Variants in MED12L observed in about 807,000 individuals in gnomAD.
MED12L encodes the protein mediator complex subunit 12L.
A neutral mutation model predicts 281.3 loss-of-function variants in MED12L; 60 were observed. The observed-to-expected ratio is 0.21, with a 90% CI of 0.17 to 0.26. The LOEUF is 0.26. Among genes scored for constraint, MED12L ranks in the 10% least tolerant of loss-of-function variants. The pLI is 1.00. For missense variants in MED12L, 2,146 were observed against 2,680.9 expected, an observed-to-expected ratio of 0.80 and a Z score of 4.41; for synonymous variants, 974 against 987.2, an observed-to-expected ratio of 0.99 and a Z score of 0.25.
chr3:151,418,501 A>G (rs1717879893), intron 43 of MED12L, among the ~76,000 whole-genome samples: 1 of 152,152 alleles, frequency 6.6e-6, no homozygotes, highest in Admixed American at 6.5e-5. Context: ...GGTCTATGGA[A>G]TGTTTATTTT....
chr3:151,331,417 T>C (rs972745534), intron 16 of MED12L, among the ~76,000 whole-genome samples: 16 of 152,208 alleles, frequency 1.1e-4, no homozygotes, highest in Non-Finnish European at 2.1e-4. Flanking sequence ...ATGCCCACTA[T>C]GAAATGGTTG....
intron 16 of MED12L, among the ~76,000 whole-genome samples, chr3:151,263,979 A>G (rs1739387519): frequency 6.6e-6 from 1 of 152,100 alleles, no homozygotes; most frequent in African/African-American, 2.4e-5. Context: ...ATCTCTTACC[A>G]CCACTCCTTC....
rs374613376 is a variant in MED12L at position 151,368,216 on chromosome 3, G to A, written c.3515G>A (p.Arg1172Gln). ...MTCRLLLHLF[R>Q]APQACFLPQA... ...TGCCGACTCTTGCTTCATCTCTTCC[G>A]AGCTCCCCAGGCCTGCTTCTTACCT... Residue 1172 changes from arginine (R) to glutamine (Q), a missense_variant, in exon 25 of 45, where the codon CGA becomes CAA. Arg to Gln is a conservative substitution (Grantham distance 43). Around this residue, in one of 9 missense-constraint regions of MED12L, gnomAD observed 404 missense variants for 603.5 expected, o/e 0.67. Transcript: ENST00000687756. 1.5e-5 allele frequency: 24 copies of A among 1,613,894 alleles called. No individual in the cohort carries two copies. The highest frequency in any genetic ancestry group is 6.7e-5 in the African/African-American group (5 of 74,888).
At chr3:151,149,056 G>GAGAC (rs146556521) in intron 5 of MED12L, among the ~76,000 whole-genome samples, 3,269 of 152,292 alleles carry the variant, frequency 0.021, 120 homozygotes, top group East Asian at 0.18. Context: ...CAAGAAATGA[G>GAGAC]AGAATCATTG....
chr3:151,289,558 T>C (rs749134869), intron 16 of MED12L, among the ~76,000 whole-genome samples: 2 of 152,248 alleles, frequency 1.3e-5, no homozygotes, highest in Non-Finnish European at 2.9e-5. Context: ...AGTAACCATC[T>C]TAAGCATTGT....
At position 151,365,134 on chromosome 3, in the gene MED12L, A is replaced by G. The variant is rs577885059; in HGVS notation, c.3113A>G (p.Asn1038Ser). 11 of 1,614,070 alleles carry G rather than the reference A, an allele frequency of 6.8e-6. No homozygotes were observed. The highest frequency in any genetic ancestry group is 5.5e-5 in the South Asian group (5 of 91,084). The change falls in exon 22 of 45, where the codon AAT becomes AGT. Residue 1038 changes from asparagine (N) to serine (S), a missense_variant. Coordinates refer to ENST00000687756, the MANE Select transcript of MED12L (RefSeq NM_001393769.1). The stretch of plus-strand genomic sequence containing the variant: ...ATGCTGGGCAAGATCCTCAGTGACA[A>G]TGCGGCCAATCGCTACAGCTTTGTC... ...YSMLGKILSD[N>S]AANRYSFVCN...
chr3:151,295,257 G>T, intron 16 of MED12L: 1 of 1,329,462 alleles, frequency 7.5e-7, no homozygotes, highest in Non-Finnish European at 1.1e-6. Flanking sequence ...TGGCAAGCAT[G>T]CCCACAGGCT....
At chr3:151,388,193 G>A in intron 37 of MED12L, 21 bp downstream of exon 37, 1 of 1,568,934 alleles carries the variant, frequency 6.4e-7, no homozygotes, top group Non-Finnish European at 8.6e-7. Flanking sequence ...AAAGGAAGGA[G>A]AACCTTGGCT....
rs1000963220 is a variant in MED12L, at chr3:151,115,812, C to T, written c.100-526C>T. On this transcript the variant is annotated intron_variant, in intron 2 of 44. Transcript: ENST00000687756. ...GTGGCTTACACCTGTAATCCCAGTA[C>T]TTTGGGAGGCTGAGGCCAGAGGATC... Among the ~76,000 whole-genome samples, 88 of 151,658 alleles carry T rather than the reference C, an allele frequency of 5.8e-4. 1 individual carries two copies. Among genetic ancestry groups the T allele is most frequent in the Non-Finnish European group, 1.3e-4 (9 of 67,886 alleles).
chr3:151,232,231 T>A lies in MED12L; in HGVS notation c.2250+38565T>A, dbSNP rs1369708570. 4.6e-5 allele frequency among the ~76,000 whole-genome samples: 7 copies of A among 152,232 alleles called. 1 individual carries two copies. The highest frequency in any genetic ancestry group is 4.6e-4 in the Admixed American group (7 of 15,290). On this transcript the variant is annotated intron_variant, in intron 16 of 44. Transcript: ENST00000687756. ...TCCTCTATGCCAAAGTAGTCTTTACTTAAAACATTGTTTGTAGCTCTTTGA... is the reference window on the plus strand; with the variant it reads ...TCCTCTATGCCAAAGTAGTCTTTACATAAAACATTGTTTGTAGCTCTTTGA...
intron 16 of MED12L, chr3:151,212,504 T>C (rs968232633): frequency 6.6e-6 from 1 of 152,208 alleles, no homozygotes; most frequent in African/African-American, 2.4e-5. Flanking sequence ...CATCTTATTT[T>C]TCCCATACTA....
chr3:151,254,573 T>C (rs1356809921), intron 16 of MED12L, among the ~76,000 whole-genome samples: 2 of 152,254 alleles, frequency 1.3e-5, no homozygotes, highest in East Asian at 3.8e-4. Context: ...AAACCTTATT[T>C]AATCTAGTTC....
At chr3:151,349,942 C>CG (rs1305261234) in intron 16 of MED12L, 117 bp from the exon 17 acceptor site, 5 of 780,408 alleles carry the variant, frequency 6.4e-6, no homozygotes, top group Admixed American at 2.7e-5. Flanking sequence ...GAAGGGAGGG[C>CG]GGGATGCCAC....
chr3:151,334,863 C>T (rs1354913739), intron 16 of MED12L, among the ~76,000 whole-genome samples: 1 of 152,106 alleles, frequency 6.6e-6, no homozygotes, highest in Non-Finnish European at 1.5e-5. Flanking sequence ...GCCATGCAGT[C>T]TACATCACAG....
chr3:151,363,772 T>C (rs1239783343), intron 21 of MED12L, among the ~76,000 whole-genome samples: 1 of 152,186 alleles, frequency 6.6e-6, no homozygotes, highest in African/African-American at 2.4e-5. Flanking sequence ...ATACGGACTC[T>C]ATACACCCAC....
chr3:151,368,629 TATTTC>T (rs1159385723), intron 25 of MED12L, among the ~76,000 whole-genome samples: 13,317 of 91,744 alleles, frequency 0.15, 1,303 homozygotes, highest in Non-Finnish European at 0.19. Flanking sequence ...TATTTTATTT[TATTTC>T]ATTTCATTTC....
At chr3:151,324,814 T>G (rs1035410011) in intron 16 of MED12L, among the ~76,000 whole-genome samples, 25 of 152,236 alleles carry the variant, frequency 1.6e-4, no homozygotes, top group African/African-American at 5.5e-4. Context: ...ACATTTGGTT[T>G]CTATGTAAAA....
At chr3:151,116,510 C>T in intron 3 of MED12L, 68 bp downstream of exon 3, 1 of 995,396 alleles carries the variant, frequency 1.0e-6, no homozygotes, top group Non-Finnish European at 1.5e-6. Flanking sequence ...TTAATAATCA[C>T]TGTTGATAAA....
At chr3:151,416,466 T>TA in intron 43 of MED12L, 44 bp downstream of exon 43, 1 of 1,594,762 alleles carries the variant, frequency 6.3e-7, no homozygotes, top group Non-Finnish European at 8.6e-7. Context: ...GTTTCTTCTT[T>TA]AAAAGCAGGT....
Sources: allele counts gnomAD v4.1 joint callset (sites outside exome capture counted in the v4.1 genomes callset), GRCh38; gene constraint gnomAD v4.1.1; regional missense constraint gnomAD v4.1.1; transcripts MANE v1.5; gene names NCBI Gene and HGNC (gene_info 2026-07-23, HGNC 2026-07-21).